The following MGAT4C variants were observed in gnomAD, a reference collection of about 807,000 sequenced individuals.
The protein encoded by MGAT4C is alpha-1,3-mannosyl-glycoprotein 4-beta-N-acetylglucosaminyltransferase C.
In MGAT4C, 19 loss-of-function variants were observed where a neutral mutation model predicts 40.1. The ratio of observed to expected loss-of-function variants is 0.47; its 90% CI spans 0.33 to 0.70. The LOEUF is 0.70. Among genes scored for constraint, MGAT4C ranks in the 30% least tolerant of loss-of-function variants. MGAT4C has a pLI of 0.02. For missense variants in MGAT4C, 491 were observed against 563.2 expected (o/e 0.87, Z 1.30); for synonymous variants, 181 against 187.1 (o/e 0.97, Z 0.27).
At chr12:86,316,712 G>A (rs1364419264) in intron 4 of MGAT4C, among the ~76,000 whole-genome samples, 1 of 152,146 alleles carries the variant, frequency 6.6e-6, no homozygotes, top group Non-Finnish European at 1.5e-5. Flanking sequence ...ACTATTGGTG[G>A]GGAGGGATGA....
intron 3 of MGAT4C, among the ~76,000 whole-genome samples, chr12:86,353,686 G>C (rs1955232482): frequency 6.6e-6 from 1 of 152,146 alleles, no homozygotes; most frequent in Admixed American, 6.5e-5. Flanking sequence ...GGCATCAGTG[G>C]ACTTGCTGAT....
chr12:86,557,581 C>CA (rs1959671595), intron 2 of MGAT4C, among the ~76,000 whole-genome samples: 1 of 152,144 alleles, frequency 6.6e-6, no homozygotes, highest in South Asian at 2.1e-4. Flanking sequence ...CACTAAAAAC[C>CA]ACAGCCTAAG....
At chr12:86,603,741 C>A (rs1371358010) in intron 2 of MGAT4C, among the ~76,000 whole-genome samples, 2 of 123,252 alleles carry the variant, frequency 1.6e-5, no homozygotes, top group African/African-American at 3.1e-5. Flanking sequence ...ATTATATATA[C>A]TATATATTAT....
At chr12:86,566,681 T>C (rs943981018) in intron 2 of MGAT4C, among the ~76,000 whole-genome samples, 6 of 145,830 alleles carry the variant, frequency 4.1e-5, no homozygotes, top group African/African-American at 1.2e-4. Flanking sequence ...ATAATACATA[T>C]ATGTATATAT....
At chr12:86,163,769 T>G (rs1413530758) in intron 1 of MGAT4C, among the ~76,000 whole-genome samples, 1 of 152,216 alleles carries the variant, frequency 6.6e-6, no homozygotes, top group Non-Finnish European at 1.5e-5. Context: ...CATGAACCAC[T>G]GAACCCTTAT....
chr12:86,046,426 T>C (rs1892401571), intron 2 of MGAT4C, among the ~76,000 whole-genome samples: 1 of 152,154 alleles, frequency 6.6e-6, no homozygotes, highest in African/African-American at 2.4e-5. Context: ...TTGGTAGAGG[T>C]ACAGAGTTTA....
rs11104006 is a variant in MGAT4C at position 86,602,474 on chromosome 12, A to G, written c.-229+124735T>C. On this transcript the variant is annotated intron_variant, in intron 2 of 7. Coordinates refer to the MGAT4C transcript ENST00000548651. ...CAAAGAGCACAATGTCATCCTTCCA[A>G]AATTTCCTTGTTCTACATCCATGAA... Among the ~76,000 whole-genome samples the G allele has an allele frequency of 4.8e-3, 733 of 152,328 alleles. 2 individuals are homozygous for G. The highest frequency in any genetic ancestry group is 8.0e-3 in the Non-Finnish European group (541 of 68,018).
chr12:86,430,407 G>T (rs1957011377), intron 3 of MGAT4C, among the ~76,000 whole-genome samples: 3 of 152,126 alleles, frequency 2.0e-5, no homozygotes, highest in African/African-American at 7.2e-5. Flanking sequence ...CTCTGGCAGG[G>T]ATACACATGC....
intron 2 of MGAT4C, among the ~76,000 whole-genome samples, chr12:86,546,871 A>G (rs1164596393): frequency 6.6e-6 from 1 of 152,074 alleles, no homozygotes; most frequent in African/African-American, 2.4e-5. Context: ...GCGTCATGGT[A>G]AAAACAGAAA....
At chr12:86,270,474 T>G (rs1952918014) in intron 4 of MGAT4C, among the ~76,000 whole-genome samples, 1 of 152,172 alleles carries the variant, frequency 6.6e-6, no homozygotes, top group Admixed American at 6.5e-5. Flanking sequence ...TCTCTATGAA[T>G]TTGACTACTC....
intron 2 of MGAT4C, among the ~76,000 whole-genome samples, chr12:86,547,445 C>T (rs1384118329): frequency 3.3e-5 from 5 of 151,958 alleles, no homozygotes; most frequent in Non-Finnish European, 7.4e-5. Flanking sequence ...ATATAATATT[C>T]ATGTAGACAG....
At position 86,475,707 on chromosome 12, in the gene MGAT4C, C is replaced by T. The variant is rs550713295; in HGVS notation, c.-228-40442G>A. On this transcript the variant is annotated intron_variant, in intron 2 of 7. Coordinates refer to the MGAT4C transcript ENST00000548651. The stretch of plus-strand genomic sequence containing the variant: ...TAAATAATTTATGTTAATAGAAAAG[C>T]AGAAATTAAAAATGTGATAGCCAAT... Among the ~76,000 whole-genome samples the T allele has an allele frequency of 2.0e-5, 3 of 151,962 alleles. No homozygotes were observed. In the East Asian group the frequency reaches 5.8e-4, roughly 29 times the overall value.
intron 1 of MGAT4C, among the ~76,000 whole-genome samples, chr12:86,212,284 T>C (rs1485015252): frequency 6.6e-6 from 1 of 152,122 alleles, no homozygotes; most frequent in African/African-American, 2.4e-5. Context: ...AGGCAGAGGG[T>C]ATTACATTGA....
chr12:85,986,751 A>G (rs1376694626), intron 3 of MGAT4C, among the ~76,000 whole-genome samples: 2 of 152,202 alleles, frequency 1.3e-5, no homozygotes, highest in African/African-American at 4.8e-5. Context: ...AGAAAGAAGA[A>G]AAATGAGTTC....
At chr12:86,569,409 T>A (rs10466943) in intron 2 of MGAT4C, among the ~76,000 whole-genome samples, 1 of 151,908 alleles carries the variant, frequency 6.6e-6, no homozygotes, top group Admixed American at 6.6e-5. Flanking sequence ...AAATTGTCAA[T>A]GGGTATATTT....
chr12:86,785,269 G>A (rs1376323876), intron 1 of MGAT4C, among the ~76,000 whole-genome samples: 1 of 151,798 alleles, frequency 6.6e-6, no homozygotes, highest in Non-Finnish European at 1.5e-5. Context: ...ATATTCCCTT[G>A]CTCTGACACC....
At chr12:86,619,713 T>C (rs1381442078) in intron 2 of MGAT4C, among the ~76,000 whole-genome samples, 1 of 152,084 alleles carries the variant, frequency 6.6e-6, no homozygotes, top group Non-Finnish European at 1.5e-5. Context: ...ATACTCTTAG[T>C]ATAATATATT....
At chr12:86,355,555 C>T (rs1955290493) in intron 3 of MGAT4C, among the ~76,000 whole-genome samples, 1 of 151,886 alleles carries the variant, frequency 6.6e-6, no homozygotes, top group African/African-American at 2.4e-5. Flanking sequence ...ACCTTTTAGG[C>T]AAGTGGAGAA....
chr12:86,525,617 T>C (rs1224129691), intron 2 of MGAT4C, among the ~76,000 whole-genome samples: 1 of 152,222 alleles, frequency 6.6e-6, no homozygotes, highest in Non-Finnish European at 1.5e-5. Flanking sequence ...TGTTTTTTTC[T>C]TTTTTAATCG....
Sources: gnomAD v4.1 joint callset for allele counts (sites outside exome capture counted in the v4.1 genomes callset) on GRCh38, gnomAD v4.1.1 for gene constraint, MANE v1.5 for transcripts, NCBI Gene and HGNC (gene_info 2026-07-23, HGNC 2026-07-21) for gene names.